Variants in LRRC7 observed in about 807,000 individuals in gnomAD.
The protein encoded by LRRC7 is leucine rich repeat containing 7.
In LRRC7, 23 loss-of-function variants were observed where a neutral mutation model predicts 175.7. That is an observed-to-expected ratio of 0.13 (90% CI 0.09 to 0.19). The LOEUF is 0.19. Among genes scored for constraint, LRRC7 ranks in the 10% least tolerant of loss-of-function variants. LRRC7 has a pLI of 1.00. For synonymous variants in LRRC7, 685 were observed against 680.9 expected, an observed-to-expected ratio of 1.01 and a Z score of -0.09; for missense variants, 1,354 against 1,904.7, an observed-to-expected ratio of 0.71 and a Z score of 5.38.
intron 25 of LRRC7, among the ~76,000 whole-genome samples, chr1:70,104,770 A>T (rs1040718937): frequency 2.6e-5 from 4 of 152,118 alleles, no homozygotes; most frequent in Non-Finnish European, 5.9e-5. Flanking sequence ...CAGACACCAC[A>T]TTTGTATTCT....
At chr1:69,809,681 T>G (rs1677580203) in intron 4 of LRRC7, among the ~76,000 whole-genome samples, 1 of 152,146 alleles carries the variant, frequency 6.6e-6, no homozygotes, top group Non-Finnish European at 1.5e-5. Context: ...AACCACATGA[T>G]TATCTCAATA....
rs139190886 is a variant in LRRC7, at chr1:70,017,251, C to T, written c.1320+717C>T. On this transcript the variant is annotated intron_variant, in intron 14 of 26. Coordinates refer to ENST00000651989, the MANE Select transcript of LRRC7 (RefSeq NM_001370785.2). The stretch of plus-strand genomic sequence containing the variant: ...GATCACTCCAGCCTGGGTGACACAG[C>T]GAGACTCTGTCTCAGAAAAAAAAAA... 4.8e-3 allele frequency among the ~76,000 whole-genome samples: 689 copies of T among 144,860 alleles called. 8 individuals carry two copies. The highest frequency in any genetic ancestry group is 0.016 in the African/African-American group (634 of 38,734).
intron 8 of LRRC7, among the ~76,000 whole-genome samples, chr1:69,932,978 T>C (rs1647545501): frequency 6.6e-6 from 1 of 152,244 alleles, no homozygotes; most frequent in Non-Finnish European, 1.5e-5. Flanking sequence ...ATTGGCCATC[T>C]TCCTCTTTGG....
intron 1 of LRRC7, among the ~76,000 whole-genome samples, chr1:69,612,774 G>A (rs1300010837): frequency 3.9e-5 from 6 of 151,936 alleles, no homozygotes; most frequent in African/African-American, 1.2e-4. Flanking sequence ...TACCTATATA[G>A]TCGTTTTTAC....
At chr1:69,828,112 T>A (rs143614535) in intron 5 of LRRC7, among the ~76,000 whole-genome samples, 6 of 152,222 alleles carry the variant, frequency 3.9e-5, no homozygotes, top group African/African-American at 1.4e-4. Flanking sequence ...AGTACTTCAT[T>A]CCCCTTTATT....
At chr1:70,061,068 A>G (rs1351867475) in intron 23 of LRRC7, among the ~76,000 whole-genome samples, 1 of 151,850 alleles carries the variant, frequency 6.6e-6, no homozygotes, top group Non-Finnish European at 1.5e-5. Context: ...AAGCCTCATA[A>G]GCAAATGAGA....
chr1:69,881,456 A>G (rs1339589285), intron 7 of LRRC7, among the ~76,000 whole-genome samples: 1 of 152,196 alleles, frequency 6.6e-6, no homozygotes, highest in Non-Finnish European at 1.5e-5. Context: ...GCATCATTCA[A>G]CTAATATGCG....
intron 7 of LRRC7, among the ~76,000 whole-genome samples, chr1:69,838,620 A>T (rs1419133910): frequency 6.6e-6 from 1 of 151,924 alleles, no homozygotes; most frequent in Non-Finnish European, 1.5e-5. Flanking sequence ...ACCTAATAGG[A>T]TGCTTAATTC....
At chr1:69,823,098 G>C (rs1252863148) in intron 4 of LRRC7, among the ~76,000 whole-genome samples, 1 of 152,084 alleles carries the variant, frequency 6.6e-6, no homozygotes, top group South Asian at 2.1e-4. Flanking sequence ...TTGATCCTTT[G>C]TGTGAAACCT....
At chr1:69,784,825 A>C (rs542452747) in intron 3 of LRRC7, among the ~76,000 whole-genome samples, 3 of 152,264 alleles carry the variant, frequency 2.0e-5, no homozygotes, top group Admixed American at 6.5e-5. Flanking sequence ...TGAGTTATTA[A>C]ATTTTAGTTT....
chr1:69,826,685 A>G (rs1347098388), intron 5 of LRRC7, among the ~76,000 whole-genome samples: 3 of 152,194 alleles, frequency 2.0e-5, no homozygotes, highest in African/African-American at 7.2e-5. Context: ...CAAAGCTGAC[A>G]GTAGGATTTG....
intron 7 of LRRC7, among the ~76,000 whole-genome samples, chr1:69,923,391 A>T (rs1019017399): frequency 6.6e-6 from 1 of 152,140 alleles, no homozygotes. Context: ...AGGAATCGCC[A>T]CACTGACTTC....
intron 23 of LRRC7, among the ~76,000 whole-genome samples, chr1:70,065,348 A>G (rs1241971578): frequency 6.6e-6 from 1 of 151,940 alleles, no homozygotes; most frequent in East Asian, 1.9e-4. Context: ...CAGTTTTCCC[A>G]TCTAAGAGGA....
chr1:69,982,769 C>G (rs1334851623), intron 9 of LRRC7, among the ~76,000 whole-genome samples: 1 of 152,118 alleles, frequency 6.6e-6, no homozygotes, highest in African/African-American at 2.4e-5. Flanking sequence ...GTGGCTTCTA[C>G]TCTTTCCATT....
chr1:69,790,213 C>G (rs530273960), intron 3 of LRRC7, among the ~76,000 whole-genome samples: 1 of 151,978 alleles, frequency 6.6e-6, no homozygotes. Context: ...AAAGATATTA[C>G]GTAACTTGCC....
intron 3 of LRRC7, among the ~76,000 whole-genome samples, chr1:69,766,894 C>T (rs150595203): frequency 2.0e-5 from 3 of 152,084 alleles, no homozygotes; most frequent in Non-Finnish European, 2.9e-5. Flanking sequence ...AAAGTTTTGT[C>T]GAGATGCAAT....
At chr1:69,875,007 T>C (rs1685919010) in intron 7 of LRRC7, 1 of 152,074 alleles carries the variant, frequency 6.6e-6, no homozygotes, top group African/African-American at 2.4e-5. Context: ...ATTCCTGACA[T>C]TGCTGTAGAA....
rs556898111 is a variant in LRRC7, at chr1:69,697,681, A to G, written c.100+19203A>G. ...TGCTATGCCCTACAATAAACCCCAA[A>G]GTCAAAATCTTGCATAGCTAAAGCT... is the stretch of plus-strand genomic sequence containing the variant. On this transcript the variant is annotated intron_variant, in intron 2 of 26. Coordinates refer to ENST00000651989, the MANE Select transcript of LRRC7 (RefSeq NM_001370785.2). Among the ~76,000 whole-genome samples, 178 of 152,330 alleles carry G rather than the reference A, an allele frequency of 1.2e-3. 1 individual carries two copies. Among genetic ancestry groups the G allele is most frequent in the African/African-American group, 4.1e-3 (171 of 41,576 alleles).
intron 7 of LRRC7, among the ~76,000 whole-genome samples, chr1:69,914,671 GT>G (rs1646633908): frequency 6.6e-6 from 1 of 151,924 alleles, no homozygotes; most frequent in Non-Finnish European, 1.5e-5. Flanking sequence ...TTTATTCATG[GT>G]CTGGAAACTT....
Sources: allele counts gnomAD v4.1 joint callset (sites outside exome capture counted in the v4.1 genomes callset), GRCh38; gene constraint gnomAD v4.1.1; transcripts MANE v1.5; gene names NCBI Gene and HGNC (gene_info 2026-07-23, HGNC 2026-07-21).